Variants in ST3GAL3 observed in about 807,000 individuals in gnomAD.
The protein encoded by ST3GAL3 is CMP-N-acetylneuraminate-beta-1,4-galactoside alpha-2,3-sialyltransferase.
Under a neutral mutation model 50.1 loss-of-function variants are expected in ST3GAL3, and 21 were observed. The ratio of observed to expected loss-of-function variants is 0.42; its 90% CI spans 0.30 to 0.60. The LOEUF (loss-of-function observed/expected upper bound fraction) is 0.60, where lower values mean the gene tolerates loss of function less well. Ranked by LOEUF, ST3GAL3 falls within the 20% of genes least tolerant of loss-of-function variation. The pLI is 0.19. For synonymous variants in ST3GAL3, 183 were observed against 190.0 expected (o/e 0.96, Z 0.30); for missense variants, 353 against 489.4 (o/e 0.72, Z 2.63).
At chr1:43,776,186 T>G (rs1697164456) in intron 2 of ST3GAL3, among the ~76,000 whole-genome samples, 1 of 152,182 alleles carries the variant, frequency 6.6e-6, no homozygotes, top group Non-Finnish European at 1.5e-5. Context: ...AAAGAAATCC[T>G]GCAGCCATTT....
At chr1:43,783,830 G>T (rs1448818458) in intron 2 of ST3GAL3, among the ~76,000 whole-genome samples, 1 of 152,058 alleles carries the variant, frequency 6.6e-6, no homozygotes, top group Non-Finnish European at 1.5e-5. Flanking sequence ...TTGCCCTAGG[G>T]GATGTCCTGC....
chr1:43,808,896 G>T (rs1161356787), intron 3 of ST3GAL3, among the ~76,000 whole-genome samples: 1 of 152,196 alleles, frequency 6.6e-6, no homozygotes, highest in Non-Finnish European at 1.5e-5. Context: ...AATGCATGGG[G>T]TATCTCATAG....
At chr1:43,825,472 A>G (rs1342093665) in intron 4 of ST3GAL3, among the ~76,000 whole-genome samples, 2 of 152,156 alleles carry the variant, frequency 1.3e-5, no homozygotes, top group Non-Finnish European at 1.5e-5. Flanking sequence ...CTTCCTATAC[A>G]TTATATTGAC....
At chr1:43,718,185 CTTTTTT>C (rs57506461) in intron 1 of ST3GAL3, among the ~76,000 whole-genome samples, 1 of 83,376 alleles carries the variant, frequency 1.2e-5, no homozygotes, top group East Asian at 4.2e-4. Context: ...ATCATTAAAT[CTTTTTT>C]TTTTTTTTTT....
chr1:43,919,585 G>A (rs1370082383), intron 9 of ST3GAL3: 2 of 152,426 alleles, frequency 1.3e-5, no homozygotes, highest in Non-Finnish European at 2.9e-5. Context: ...AGTACTGGAG[G>A]AGCTCACAAG....
chr1:43,709,099 C>T (rs892346441), intron 1 of ST3GAL3, among the ~76,000 whole-genome samples: 1 of 152,054 alleles, frequency 6.6e-6, no homozygotes, highest in Non-Finnish European at 1.5e-5. Flanking sequence ...TGAATTGGGT[C>T]ATGAAGAGTG....
chr1:43,765,734 T>G (rs1692301349), intron 2 of ST3GAL3, among the ~76,000 whole-genome samples: 1 of 136,938 alleles, frequency 7.3e-6, no homozygotes. Flanking sequence ...TTCATGTGCA[T>G]GTGTGTGTCT....
chr1:43,866,959 G>A (rs1286811342), intron 5 of ST3GAL3, among the ~76,000 whole-genome samples: 3 of 152,096 alleles, frequency 2.0e-5, no homozygotes, highest in South Asian at 2.1e-4. Flanking sequence ...GTGAAACCCC[G>A]TCTCTACTAA....
At chr1:43,786,666 A>G (rs1169255710) in intron 2 of ST3GAL3, among the ~76,000 whole-genome samples, 1 of 152,092 alleles carries the variant, frequency 6.6e-6, no homozygotes, top group African/African-American at 2.4e-5. Context: ...GTTGTTTTGT[A>G]TCTCCCTGAC....
intron 3 of ST3GAL3, among the ~76,000 whole-genome samples, chr1:43,810,086 A>G (rs543198379): frequency 6.6e-6 from 1 of 152,126 alleles, no homozygotes. Flanking sequence ...CTGGTGAGCT[A>G]TGGGACTTCA....
intron 5 of ST3GAL3, chr1:43,850,605 G>A: frequency 1.3e-6 from 1 of 762,850 alleles, no homozygotes; most frequent in Admixed American, 1.8e-5. Context: ...GCAGGCAATA[G>A]AACAGGCTTC....
intron 2 of ST3GAL3, among the ~76,000 whole-genome samples, chr1:43,775,959 G>A (rs1237586844): frequency 6.6e-6 from 1 of 152,140 alleles, no homozygotes; most frequent in African/African-American, 2.4e-5. Context: ...CCACAGTATG[G>A]TCAGTGTTTC....
chr1:43,921,162 C>G (rs1203177903), intron 11 of ST3GAL3, among the ~76,000 whole-genome samples: 1 of 152,160 alleles, frequency 6.6e-6, no homozygotes, highest in Non-Finnish European at 1.5e-5. Flanking sequence ...CCCTCCCCCT[C>G]GCTGCATTCC....
At chr1:43,859,021 C>A (rs1268717564) in intron 5 of ST3GAL3, among the ~76,000 whole-genome samples, 1 of 152,206 alleles carries the variant, frequency 6.6e-6, no homozygotes, top group Non-Finnish European at 1.5e-5. Flanking sequence ...GTGAATCTCT[C>A]AGGAGAGAGG....
chr1:43,788,620 T>C (rs1305027612), intron 2 of ST3GAL3, among the ~76,000 whole-genome samples: 1 of 152,216 alleles, frequency 6.6e-6, no homozygotes, highest in Non-Finnish European at 1.5e-5. Context: ...TTGTAAAATA[T>C]CACTCAGATA....
chr1:43,719,894 C>T (rs563028757), intron 1 of ST3GAL3, among the ~76,000 whole-genome samples: 1 of 127,048 alleles, frequency 7.9e-6, no homozygotes, highest in Non-Finnish European at 1.6e-5. Context: ...GATCATGCCA[C>T]TGCATTCCAG....
chr1:43,784,235 G>A (rs898022894), intron 2 of ST3GAL3, among the ~76,000 whole-genome samples: 14 of 152,102 alleles, frequency 9.2e-5, no homozygotes, highest in South Asian at 2.1e-4. Flanking sequence ...CAGGCCAGGC[G>A]TGGTGGCTCG....
chr1:43,742,831 G>A (rs1440226010), intron 2 of ST3GAL3, among the ~76,000 whole-genome samples: 1 of 152,212 alleles, frequency 6.6e-6, no homozygotes, highest in African/African-American at 2.4e-5. Context: ...TAAAACGGAA[G>A]AAGCCCATGA....
At chr1:43,731,840 T>C (rs889153466) in intron 1 of ST3GAL3, among the ~76,000 whole-genome samples, 4 of 151,944 alleles carry the variant, frequency 2.6e-5, no homozygotes, top group African/African-American at 9.7e-5. Flanking sequence ...CCCTGACTAA[T>C]TTTTAAAAAA....
Sources: allele counts gnomAD v4.1 joint callset (sites outside exome capture counted in the v4.1 genomes callset), GRCh38; gene constraint gnomAD v4.1.1; transcripts MANE v1.5; gene names NCBI Gene and HGNC (gene_info 2026-07-23, HGNC 2026-07-21).